The following RSRC1 variants were observed in gnomAD, a reference collection of about 807,000 sequenced individuals.
The protein encoded by RSRC1 is arginine and serine rich coiled-coil 1.
RSRC1 carries 39 observed loss-of-function variants against 49.1 expected under a neutral mutation model. The ratio of observed to expected loss-of-function variants is 0.79; its 90% confidence interval spans 0.61 to 1.04. The LOEUF is 1.04. Among genes scored for constraint, RSRC1 ranks in the 50% least tolerant of loss-of-function variants. The pLI, the probability that RSRC1 is intolerant of heterozygous loss-of-function variation, is 0.00. For synonymous variants in RSRC1, 143 were observed against 130.8 expected, an observed-to-expected ratio of 1.09 and a Z score of -0.63; for missense variants, 388 against 402.4, an observed-to-expected ratio of 0.96 and a Z score of 0.31.
rs1276981236 is a variant in RSRC1 at position 158,544,453 on chromosome 3, CAT to C, written c.*179_*180del. On this transcript the variant is annotated 3_prime_UTR_variant, in exon 10 of 10. Transcript: ENST00000611884. Reference sequence around the variant, plus strand: ...ATTTGTTAATTTGAATTAAATCAAACATTGTAAAAATTAAAACAAAATTTAAG... The same window carrying C: ...ATTTGTTAATTTGAATTAAATCAAACTGTAAAAATTAAAACAAAATTTAAG... The C allele has an allele frequency of 5.0e-6, 2 of 400,560 alleles. No individual in the cohort carries two copies. The highest frequency in any genetic ancestry group is 8.9e-6 in the Non-Finnish European group (2 of 225,906). The allele number at this position is 400,560 out of a possible 1,614,324, so 24.8% of individuals were successfully genotyped here.
intron 7 of RSRC1, among the ~76,000 whole-genome samples, chr3:158,483,112 A>G (rs1401205898): frequency 6.6e-6 from 1 of 152,004 alleles, no homozygotes. Flanking sequence ...CACACATAAA[A>G]TCATTTTCAA....
intron 6 of RSRC1, among the ~76,000 whole-genome samples, chr3:158,364,662 G>A (rs933301290): frequency 7.2e-5 from 11 of 151,926 alleles, no homozygotes; most frequent in Non-Finnish European, 1.5e-5. Flanking sequence ...TTCAGTTAAT[G>A]TTAGCAGTAA....
intron 7 of RSRC1, among the ~76,000 whole-genome samples, chr3:158,532,619 C>G (rs1402906522): frequency 6.6e-6 from 1 of 151,606 alleles, no homozygotes; most frequent in African/African-American, 2.4e-5. Context: ...ATTTTCTATA[C>G]TTTGAGTTAA....
At chr3:158,129,332 G>A (rs1434874577) in intron 3 of RSRC1, among the ~76,000 whole-genome samples, 2 of 122,736 alleles carry the variant, frequency 1.6e-5, no homozygotes, top group Non-Finnish European at 3.2e-5. Context: ...CTCTATTGCC[G>A]AGACTAGAGT....
chr3:158,474,077 G>T (rs144915777), intron 7 of RSRC1, among the ~76,000 whole-genome samples: 1 of 152,180 alleles, frequency 6.6e-6, no homozygotes, highest in East Asian at 1.9e-4. Flanking sequence ...ACCTTCCCTT[G>T]TAGCACTATT....
intron 6 of RSRC1, among the ~76,000 whole-genome samples, chr3:158,457,740 G>GTTTTTTTTTTTTTT (rs762873924): frequency 1.3e-5 from 1 of 78,778 alleles, no homozygotes. Context: ...GTTTTTTTTT[G>GTTTTTTTTTTTTTT]TTTTTTTTTT....
At chr3:158,282,460 A>T (rs1726240411) in intron 4 of RSRC1, among the ~76,000 whole-genome samples, 1 of 152,176 alleles carries the variant, frequency 6.6e-6, no homozygotes, top group Non-Finnish European at 1.5e-5. Context: ...GTTTTTTCTG[A>T]TGTTAATGTA....
At chr3:158,133,350 T>C (rs946651283) in intron 3 of RSRC1, among the ~76,000 whole-genome samples, 5 of 152,276 alleles carry the variant, frequency 3.3e-5, no homozygotes, top group African/African-American at 9.6e-5. Context: ...AGAGCAATTA[T>C]TTATTTTATT....
At chr3:158,199,670 G>A (rs540805226) in intron 3 of RSRC1, among the ~76,000 whole-genome samples, 29 of 152,068 alleles carry the variant, frequency 1.9e-4, no homozygotes, top group African/African-American at 6.7e-4. Context: ...CTCCCTAAAC[G>A]TTGCTTTATC....
intron 6 of RSRC1, among the ~76,000 whole-genome samples, chr3:158,388,171 A>T (rs1733063416): frequency 6.6e-6 from 1 of 151,630 alleles, no homozygotes; most frequent in Non-Finnish European, 1.5e-5. Context: ...TATATATTTT[A>T]TCAAACATTA....
chr3:158,461,651 T>C (rs1737620513), intron 7 of RSRC1, among the ~76,000 whole-genome samples: 1 of 151,874 alleles, frequency 6.6e-6, no homozygotes, highest in Non-Finnish European at 1.5e-5. Flanking sequence ...ATTACAGTGC[T>C]TAAAGCAAGA....
intron 5 of RSRC1, among the ~76,000 whole-genome samples, chr3:158,300,759 A>T (rs1004840154): frequency 6.6e-6 from 1 of 152,186 alleles, no homozygotes; most frequent in East Asian, 1.9e-4. Flanking sequence ...TTTTTAAAAA[A>T]TTATTTACTT....
At chr3:158,294,187 A>G (rs1486627448) in intron 4 of RSRC1, among the ~76,000 whole-genome samples, 1 of 151,838 alleles carries the variant, frequency 6.6e-6, no homozygotes, top group East Asian at 1.9e-4. Context: ...TCTTAATTCT[A>G]TCAGTTGTTT....
At chr3:158,349,178 C>G (rs1035538204) in intron 5 of RSRC1, among the ~76,000 whole-genome samples, 1 of 152,008 alleles carries the variant, frequency 6.6e-6, no homozygotes, top group Non-Finnish European at 1.5e-5. Context: ...TAATTTAAAT[C>G]CCCATCAACA....
chr3:158,111,458 TTGTATTTCC>T (rs1360488677), intron 1 of RSRC1, among the ~76,000 whole-genome samples: 1 of 152,206 alleles, frequency 6.6e-6, no homozygotes, highest in African/African-American at 2.4e-5. Context: ...AGATCTATAG[TTGTATTTCC>T]TGCTTTCATG....
At chr3:158,299,569 C>T (rs887234136) in intron 5 of RSRC1, among the ~76,000 whole-genome samples, 12 of 152,154 alleles carry the variant, frequency 7.9e-5, no homozygotes, top group Admixed American at 2.6e-4. Context: ...CACCTGACCT[C>T]AGGTGATCCA....
chr3:158,499,087 T>G (rs1739476157), intron 7 of RSRC1, among the ~76,000 whole-genome samples: 2 of 151,978 alleles, frequency 1.3e-5, no homozygotes, highest in South Asian at 2.1e-4. Flanking sequence ...TTTAGAATTG[T>G]TTTTTTCTGG....
chr3:158,434,513 A>G (rs1178158709), intron 6 of RSRC1, among the ~76,000 whole-genome samples: 1 of 151,968 alleles, frequency 6.6e-6, no homozygotes, highest in African/African-American at 2.4e-5. Flanking sequence ...AGAATTCTAC[A>G]AACACCGATA....
chr3:158,300,073 G>GTT (rs1326591629), intron 5 of RSRC1, among the ~76,000 whole-genome samples: 2 of 151,896 alleles, frequency 1.3e-5, no homozygotes, highest in Non-Finnish European at 2.9e-5. Flanking sequence ...CCCTATTTTT[G>GTT]ACACTAAGTT....
Sources: allele counts gnomAD v4.1 joint callset (sites outside exome capture counted in the v4.1 genomes callset), GRCh38; gene constraint gnomAD v4.1.1; transcripts MANE v1.5; gene names NCBI Gene and HGNC (gene_info 2026-07-23, HGNC 2026-07-21).